Variants in PRKCQ observed in about 807,000 individuals in gnomAD.
The protein encoded by PRKCQ is protein kinase C theta, also known as protein kinase C theta type.
Under a neutral mutation model 91.2 loss-of-function variants are expected in PRKCQ, and 41 were observed. That is an observed-to-expected ratio of 0.45 (90% CI 0.35 to 0.58). The LOEUF (loss-of-function observed/expected upper bound fraction) is 0.58. Ranked by LOEUF, PRKCQ falls within the 20% of genes least tolerant of loss-of-function variation. PRKCQ has a pLI of 0.00. For missense variants in PRKCQ, 673 were observed against 896.5 expected (o/e 0.75, Z 3.18); for synonymous variants, 307 against 316.9 (o/e 0.97, Z 0.33).
chr10:6,483,682 C>G (rs1836739872), intron 10 of PRKCQ, 82 bp from the exon 11 acceptor site: 1 of 1,501,300 alleles, frequency 6.7e-7, no homozygotes, highest in African/African-American at 1.4e-5. Context: ...GCTTTCTCTT[C>G]TACTTCCCAT....
intron 1 of PRKCQ, among the ~76,000 whole-genome samples, chr10:6,571,877 T>C (rs1374376610): frequency 6.6e-6 from 1 of 152,130 alleles, no homozygotes. Context: ...GGTCCTTCCC[T>C]AAACAGCCAC....
chr10:6,457,947 GT>G lies in PRKCQ; in HGVS notation c.1509-1136del, dbSNP rs35884637. ...ATTCAGGTGCTTCCCTTGATATCAG[GT>G]TTTTTTTTTTCCCCTGAGACGAGGT... On this transcript the variant is annotated intron_variant, in intron 14 of 17. Transcript: ENST00000263125. 8.4e-3 allele frequency among the ~76,000 whole-genome samples: 1,253 copies of G among 148,722 alleles called. 14 individuals are homozygous for G. The highest frequency in any genetic ancestry group is 0.028 in the African/African-American group (1,151 of 40,542).
chr10:6,572,620 T>C (rs1326161459), intron 1 of PRKCQ, among the ~76,000 whole-genome samples: 3 of 152,350 alleles, frequency 2.0e-5, no homozygotes, highest in South Asian at 4.1e-4. Flanking sequence ...ATTTTCTTAA[T>C]CCAGACTACC....
intron 9 of PRKCQ, among the ~76,000 whole-genome samples, chr10:6,485,673 G>A (rs1032429112): frequency 4.6e-5 from 7 of 152,098 alleles, no homozygotes; most frequent in Admixed American, 2.6e-4. Context: ...CCCTGGACTC[G>A]GTGTTCCATG....
At chr10:6,418,437 T>G in the PRKCQ span, among the ~76,000 whole-genome samples, 1 of 152,112 alleles carries the variant, frequency 6.6e-6, no homozygotes, top group Non-Finnish European at 1.5e-5. Context: ...CAAAGTCTGG[T>G]TCCTTCTTTG....
chr10:6,530,636 C>G (rs940158259), intron 1 of PRKCQ, among the ~76,000 whole-genome samples: 23 of 152,208 alleles, frequency 1.5e-4, no homozygotes, highest in African/African-American at 5.5e-4. Context: ...AGAGCTGGGT[C>G]TATCTGGGCA....
intron 1 of PRKCQ, among the ~76,000 whole-genome samples, chr10:6,529,812 G>GT (rs1839327084): frequency 6.6e-6 from 1 of 152,204 alleles, no homozygotes; most frequent in African/African-American, 2.4e-5. Flanking sequence ...TTGGGTCTAT[G>GT]TCTGTGTTGT....
chr10:6,461,734 C>A (rs912039767), intron 14 of PRKCQ, among the ~76,000 whole-genome samples: 1 of 152,054 alleles, frequency 6.6e-6, no homozygotes, highest in African/African-American at 2.4e-5. Context: ...TTTTTCCTTT[C>A]TATTTTTCCT....
At chr10:6,398,983 A>G in the PRKCQ span, among the ~76,000 whole-genome samples, 1 of 152,134 alleles carries the variant, frequency 6.6e-6, no homozygotes, top group African/African-American at 2.4e-5. Context: ...CTGGTCTCGA[A>G]CTTCTGAACT....
chr10:6,445,119 G>C (rs912748429), intron 15 of PRKCQ, among the ~76,000 whole-genome samples: 1,686 of 6,494 alleles, frequency 0.26, 129 homozygotes, highest in Middle Eastern at 0.4. Flanking sequence ...GCAAGACTCT[G>C]TCAAAAAAAA....
intron 1 of PRKCQ, among the ~76,000 whole-genome samples, chr10:6,530,231 A>C (rs924356664): frequency 1.3e-5 from 2 of 152,160 alleles, no homozygotes; most frequent in Middle Eastern, 3.2e-3. Context: ...TGATCCCATG[A>C]ATAGAGACAT....
At chr10:6,564,593 A>G (rs1343589376) in intron 1 of PRKCQ, among the ~76,000 whole-genome samples, 1 of 152,074 alleles carries the variant, frequency 6.6e-6, no homozygotes, top group Non-Finnish European at 1.5e-5. Flanking sequence ...GGGGCCATAT[A>G]AGGGAGTGAC....
At chr10:6,557,680 C>T (rs1315963049) in intron 1 of PRKCQ, among the ~76,000 whole-genome samples, 2 of 152,176 alleles carry the variant, frequency 1.3e-5, no homozygotes, top group Non-Finnish European at 2.9e-5. Context: ...TCACTTTCTT[C>T]GGTCCCCTGT....
chr10:6,502,430 G>T (rs1297165765), intron 4 of PRKCQ, among the ~76,000 whole-genome samples: 1 of 152,348 alleles, frequency 6.6e-6, no homozygotes, highest in Middle Eastern at 3.4e-3. Context: ...GTTCCTCAGG[G>T]TGTGGGTGGG....
chr10:6,464,345 T>C lies in PRKCQ; in HGVS notation c.1413A>G (p.Gln471=). The change falls in exon 13 of 18, where the codon CAA becomes CAG. Residue 471 remains glutamine, a synonymous_variant. Coordinates refer to ENST00000263125, the MANE Select transcript of PRKCQ (RefSeq NM_006257.5). The stretch of plus-strand genomic sequence containing the variant: ...TGGAAAGGTCGAACTTGTGGCAGCT[T>C]TGGATGTGGTACATTAAGTCCCCTC... ...LNGGDLMYHI[Q]SCHKFDLSRA... 3 of 1,613,950 alleles carry C rather than the reference T, an allele frequency of 1.9e-6. No individual in the cohort carries two copies. The highest frequency in any genetic ancestry group is 2.5e-6 in the Non-Finnish European group (3 of 1,179,956).
chr10:6,457,898 T>TG (rs1373002149), intron 14 of PRKCQ, among the ~76,000 whole-genome samples: 1 of 152,182 alleles, frequency 6.6e-6, no homozygotes, highest in Non-Finnish European at 1.5e-5. Context: ...ATTCTGTACT[T>TG]GTGAAATTGA....
intron 1 of PRKCQ, among the ~76,000 whole-genome samples, chr10:6,531,047 G>C (rs1839372835): frequency 8.1e-5 from 2 of 24,542 alleles, no homozygotes; most frequent in Non-Finnish European, 4.7e-4. Context: ...TCAGCAGGGT[G>C]GAGCCCACAT....
At chr10:6,448,583 T>C (rs1341212783) in intron 15 of PRKCQ, among the ~76,000 whole-genome samples, 1 of 151,972 alleles carries the variant, frequency 6.6e-6, no homozygotes, top group African/African-American at 2.4e-5. Flanking sequence ...TAATTTTTTA[T>C]ATTTTAGTAG....
chr10:6,437,126 G>C (rs1291740006), intron 16 of PRKCQ, among the ~76,000 whole-genome samples: 1 of 152,194 alleles, frequency 6.6e-6, no homozygotes, highest in Non-Finnish European at 1.5e-5. Context: ...TTTCCAGTGG[G>C]TTTTGCTGGC....
Sources: gnomAD v4.1 joint callset for allele counts (sites outside exome capture counted in the v4.1 genomes callset) on GRCh38, gnomAD v4.1.1 for gene constraint, MANE v1.5 for transcripts, NCBI Gene and HGNC (gene_info 2026-07-23, HGNC 2026-07-21) for gene names.